BCAR3: variants seen among roughly 807,000 people sequenced by gnomAD.
The protein encoded by BCAR3 is BCAR3 adaptor protein, NSP family member.
In BCAR3, 37 loss-of-function variants were observed where a neutral mutation model predicts 80.1. The ratio of observed to expected loss-of-function variants is 0.46; its 90% confidence interval spans 0.36 to 0.61. The LOEUF is 0.61. BCAR3 is among the 20% of genes least tolerant of loss of function. The pLI is 0.00. For missense variants in BCAR3, 978 were observed against 1,068.2 expected (o/e 0.92, Z 1.18); for synonymous variants, 389 against 418.9 (o/e 0.93, Z 0.87).
At chr1:93,779,253 G>A (rs2100755215) in intron 2 of BCAR3, among the ~76,000 whole-genome samples, 1 of 152,304 alleles carries the variant, frequency 6.6e-6, no homozygotes, top group Admixed American at 6.5e-5. Context: ...TGCCATTCCT[G>A]AGGTCCAATG....
intron 2 of BCAR3, chr1:93,753,563 C>T (rs1266688596): frequency 2.0e-5 from 3 of 152,458 alleles, no homozygotes; most frequent in African/African-American, 7.3e-5. Flanking sequence ...CACACACACA[C>T]ACACACACAC....
At chr1:93,575,970 A>T in intron 8 of BCAR3, 44 bp downstream of exon 8, 1 of 1,549,846 alleles carries the variant, frequency 6.5e-7, no homozygotes, top group Admixed American at 1.7e-5. Flanking sequence ...TGATGCCTGG[A>T]AGGAGCTGGG....
intron 2 of BCAR3, among the ~76,000 whole-genome samples, chr1:93,779,857 T>C (rs1341942684): frequency 6.6e-6 from 1 of 152,040 alleles, no homozygotes; most frequent in African/African-American, 2.4e-5. Context: ...CCTCCCCCAA[T>C]CCCAGGATGT....
intron 2 of BCAR3, among the ~76,000 whole-genome samples, chr1:93,842,756 C>T (rs1655003852): frequency 6.6e-6 from 1 of 152,178 alleles, no homozygotes; most frequent in Non-Finnish European, 1.5e-5. Flanking sequence ...TGGATCCTAC[C>T]TTCCCAACCT....
chr1:93,582,171 A>T, intron 7 of BCAR3, 130 bp downstream of exon 7: 2 of 1,205,368 alleles, frequency 1.7e-6, no homozygotes, highest in Non-Finnish European at 2.3e-6. Context: ...AAAGCATTTA[A>T]TGGGTGAGGC....
At chr1:93,703,021 C>T (rs115219904) in intron 3 of BCAR3, among the ~76,000 whole-genome samples, 2,215 of 152,274 alleles carry the variant, frequency 0.015, 19 homozygotes, top group Non-Finnish European at 0.024. Context: ...CTGGCCACCG[C>T]GGCCTGTGCT....
rs371258828 is a variant in BCAR3 at position 93,744,865 on chromosome 1, A to G, written c.-62-38723T>C. Among the ~76,000 whole-genome samples the G allele has an allele frequency of 3.0e-4, 45 of 152,340 alleles. 3 individuals carry two copies. Among genetic ancestry groups the G allele is most frequent in the Middle Eastern group, 3.4e-3 (1 of 294 alleles). On this transcript the variant is annotated intron_variant, in intron 2 of 13. Coordinates refer to the BCAR3 transcript ENST00000370244. ...TGCCATGGTGTCTGAGAGAAGAAAG[A>G]AACTACAAATGAAAGAGATTTGCCC... is the stretch of plus-strand genomic sequence containing the variant.
intron 3 of BCAR3, among the ~76,000 whole-genome samples, chr1:93,619,675 C>T (rs1186638719): frequency 2.0e-5 from 3 of 152,214 alleles, no homozygotes; most frequent in Admixed American, 6.5e-5. Flanking sequence ...AATGGGCAGA[C>T]GGGCATCTGC....
chr1:93,564,358 A>G (rs1485302512), intron 11 of BCAR3, among the ~76,000 whole-genome samples: 1 of 141,910 alleles, frequency 7.0e-6, no homozygotes, highest in Non-Finnish European at 1.5e-5. Context: ...GCAATGGTGC[A>G]ACCTCTGCCT....
At chr1:93,679,667 C>T (rs909306361) in intron 1 of BCAR3, among the ~76,000 whole-genome samples, 3 of 152,182 alleles carry the variant, frequency 2.0e-5, no homozygotes, top group Non-Finnish European at 4.4e-5. Flanking sequence ...GGAACAAGAG[C>T]GAGGCTGACA....
At position 93,786,192 on chromosome 1, in the gene BCAR3, C is replaced by CAAAAAAAAA. The variant is rs61644309; in HGVS notation, c.-63+59366_-63+59374dup. ...TGGGCGTCAGAGCGAGACTCCGTCTCAAAAAAAAAAAAAAAAAAAAAAAAA... is the reference window on the plus strand; with the variant it reads ...TGGGCGTCAGAGCGAGACTCCGTCTCAAAAAAAAAAAAAAAAAAAAAAAAAAAAAAAAAA... On this transcript the variant is annotated intron_variant, in intron 2 of 13. Transcript: ENST00000370244. 8.4e-3 allele frequency among the ~76,000 whole-genome samples: 196 copies of CAAAAAAAAA among 23,234 alleles called. 30 individuals are homozygous for CAAAAAAAAA. The highest frequency in any genetic ancestry group is 0.014 in the African/African-American group (70 of 5,080). The allele number at this position is 23,234 out of a possible 152,430, so 15.2% of individuals were successfully genotyped here.
intron 2 of BCAR3, among the ~76,000 whole-genome samples, chr1:93,740,388 G>C (rs1651136056): frequency 1.3e-5 from 2 of 152,204 alleles, no homozygotes; most frequent in African/African-American, 4.8e-5. Context: ...ACTGCACAGA[G>C]AGCAGCCTCT....
intron 2 of BCAR3, among the ~76,000 whole-genome samples, chr1:93,760,608 T>TAAAAAA (rs11365595): frequency 4.0e-5 from 6 of 149,318 alleles, no homozygotes; most frequent in African/African-American, 1.5e-4. Context: ...TAAATTAGCT[T>TAAAAAA]AAAAAAAAAA....
At chr1:93,803,798 A>G (rs1407894648) in intron 2 of BCAR3, among the ~76,000 whole-genome samples, 1 of 152,348 alleles carries the variant, frequency 6.6e-6, no homozygotes, top group East Asian at 1.9e-4. Context: ...GCGTCCCCAG[A>G]TGGGTACAGG....
chr1:93,798,668 T>G (rs1258454015), intron 2 of BCAR3, among the ~76,000 whole-genome samples: 4 of 152,216 alleles, frequency 2.6e-5, no homozygotes, highest in South Asian at 2.1e-4. Flanking sequence ...GTGCTGACTT[T>G]ACTTTAGGCA....
At chr1:93,599,508 G>C (rs1674550925) in intron 3 of BCAR3, 1 of 152,238 alleles carries the variant, frequency 6.6e-6, no homozygotes, top group Non-Finnish European at 1.5e-5. Context: ...TCACACTCCA[G>C]AAAGTCAGAG....
rs560218490 is a variant in BCAR3, at chr1:93,715,686, C to T, written c.-62-9544G>A. Among the ~76,000 whole-genome samples the T allele has an allele frequency of 2.6e-5, 4 of 152,266 alleles. No homozygotes were observed. The South Asian group carries it at 8.3e-4, about 32-fold the overall frequency. On this transcript the variant is annotated intron_variant, in intron 2 of 13. Transcript: ENST00000370244. The stretch of plus-strand genomic sequence containing the variant: ...TTGACTTGATTTAAATAAATGCAGA[C>T]GGTTTGGCTGACGCAAGGCAATTAA...
chr1:93,569,454 C>A (rs1673114842), intron 9 of BCAR3, among the ~76,000 whole-genome samples: 1 of 152,220 alleles, frequency 6.6e-6, no homozygotes, highest in Non-Finnish European at 1.5e-5. Context: ...GCCCTTCCTT[C>A]TGTAGACCCC....
At chr1:93,775,735 T>C (rs1014011675) in intron 2 of BCAR3, among the ~76,000 whole-genome samples, 7 of 152,240 alleles carry the variant, frequency 4.6e-5, no homozygotes, top group Admixed American at 1.3e-4. Context: ...CTCTAAGATA[T>C]ATTGCTGGGT....
Sources: allele counts gnomAD v4.1 joint callset (sites outside exome capture counted in the v4.1 genomes callset), GRCh38; gene constraint gnomAD v4.1.1; transcripts MANE v1.5; gene names NCBI Gene and HGNC (gene_info 2026-07-23, HGNC 2026-07-21).